Variants in KSR2 observed in about 807,000 individuals in gnomAD.
The protein encoded by KSR2 is kinase suppressor of ras 2.
In KSR2, 25 loss-of-function variants were observed where a neutral mutation model predicts 107.8. That is an observed-to-expected ratio of 0.23 (90% CI 0.17 to 0.32). KSR2 has a LOEUF of 0.32. KSR2 is among the 10% of genes least tolerant of loss of function. The pLI, the probability that KSR2 is intolerant of heterozygous loss-of-function variation, is 1.00. For synonymous variants in KSR2, 480 were observed against 507.0 expected (o/e 0.95, Z 0.71); for missense variants, 887 against 1,268.9 (o/e 0.70, Z 4.57).
chr12:117,888,113 A>G (rs1468224220), intron 1 of KSR2, among the ~76,000 whole-genome samples: 5 of 152,170 alleles, frequency 3.3e-5, no homozygotes, highest in Admixed American at 1.3e-4. Flanking sequence ...CCAGCCCCAA[A>G]ACCCTTTTGA....
intron 4 of KSR2, among the ~76,000 whole-genome samples, chr12:117,731,492 A>G (rs1273641126): frequency 1.3e-5 from 2 of 151,440 alleles, no homozygotes; most frequent in Non-Finnish European, 2.9e-5. Flanking sequence ...CCATCTGGGA[A>G]GTGAGGAGGC....
At chr12:117,649,427 A>T (rs1593091307) in intron 5 of KSR2, among the ~76,000 whole-genome samples, 1 of 152,242 alleles carries the variant, frequency 6.6e-6, no homozygotes, top group Non-Finnish European at 1.5e-5. Flanking sequence ...ATTAAAGCTG[A>T]CCTAAATCCA....
intron 3 of KSR2, among the ~76,000 whole-genome samples, chr12:117,778,617 T>C (rs1003852469): frequency 1.3e-5 from 2 of 152,306 alleles, no homozygotes; most frequent in East Asian, 3.9e-4. Context: ...CTCTTCTGGC[T>C]CTGCATCCTC....
intron 5 of KSR2, among the ~76,000 whole-genome samples, chr12:117,589,714 G>T (rs999261720): frequency 6.6e-6 from 1 of 152,192 alleles, no homozygotes; most frequent in Non-Finnish European, 1.5e-5. Context: ...CATTCACATA[G>T]CAGAGGATAA....
intron 4 of KSR2, 48 bp downstream of exon 4, chr12:117,760,963 C>G (rs1236840065): frequency 6.2e-7 from 1 of 1,608,486 alleles, no homozygotes; most frequent in Non-Finnish European, 8.5e-7. Flanking sequence ...GGCAGCCCCT[C>G]GCAGGCCGGG....
intron 14 of KSR2, among the ~76,000 whole-genome samples, chr12:117,496,574 C>T (rs1052156481): frequency 1.3e-5 from 2 of 152,146 alleles, no homozygotes; most frequent in Non-Finnish European, 2.9e-5. Flanking sequence ...ATGTACTGCC[C>T]TTGGGGGAAA....
At chr12:117,902,965 A>G (rs10850931) in intron 1 of KSR2, among the ~76,000 whole-genome samples, 20,392 of 152,154 alleles carry the variant, frequency 0.13, 1,625 homozygotes, top group East Asian at 0.35. Context: ...TCTGAAACAT[A>G]GAGGATAACT....
chr12:117,601,665 C>T (rs1460513224), intron 5 of KSR2, among the ~76,000 whole-genome samples: 3 of 152,266 alleles, frequency 2.0e-5, no homozygotes, highest in Admixed American at 6.5e-5. Context: ...GAGAGCATGG[C>T]CCTGCCTACA....
intron 1 of KSR2, among the ~76,000 whole-genome samples, chr12:117,906,582 G>A (rs948758195): frequency 2.6e-4 from 39 of 152,038 alleles, no homozygotes; most frequent in Non-Finnish European, 5.3e-4. Context: ...CCCCAGCCTG[G>A]GCTACAAGAG....
intron 1 of KSR2, among the ~76,000 whole-genome samples, chr12:117,940,783 C>T (rs894983289): frequency 3.3e-5 from 5 of 152,090 alleles, no homozygotes; most frequent in Non-Finnish European, 7.4e-5. Flanking sequence ...AAAAATTTCA[C>T]ACTTAAGATT....
In KSR2 at chr12:117,740,508, T is replaced by C. The variant is rs1204448022; in HGVS notation, c.986+20503A>G. Among the ~76,000 whole-genome samples, 3 of 125,356 alleles carry C rather than the reference T, an allele frequency of 2.4e-5. No individual in the cohort carries two copies. The Admixed American group carries it at 2.8e-4, about 12-fold the overall frequency. 82.2% of individuals were successfully genotyped at this position (125,356 alleles called of 152,430 possible). A position where few individuals can be genotyped will look rare whatever the true frequency, so the allele number is the denominator to read the frequency against. Reference sequence around the variant, plus strand: ...ATAATATATATGTTATATATTACATTTATATAATATATAGTACATATATTA... The same window carrying C: ...ATAATATATATGTTATATATTACATCTATATAATATATAGTACATATATTA... On this transcript the variant is annotated intron_variant, in intron 4 of 19. Transcript: ENST00000339824.
At chr12:117,506,843 ATGTGTG>A (rs574197582) in intron 14 of KSR2, among the ~76,000 whole-genome samples, 7 of 151,586 alleles carry the variant, frequency 4.6e-5, no homozygotes, top group South Asian at 2.1e-4. Flanking sequence ...TTATATATGT[ATGTGTG>A]TGTGTGTGTA....
intron 4 of KSR2, among the ~76,000 whole-genome samples, chr12:117,728,843 G>A (rs1483331656): frequency 1.3e-5 from 2 of 152,208 alleles, no homozygotes; most frequent in Non-Finnish European, 2.9e-5. Context: ...CAAATGTGAC[G>A]AAGGGTTGAA....
At chr12:117,873,578 A>G (rs1399606989) in intron 1 of KSR2, among the ~76,000 whole-genome samples, 1 of 148,886 alleles carries the variant, frequency 6.7e-6, no homozygotes, top group Admixed American at 6.8e-5. Context: ...CTCGTGCCTC[A>G]GCCTCCCCGG....
intron 1 of KSR2, among the ~76,000 whole-genome samples, chr12:117,917,647 G>A (rs1219921246): frequency 6.6e-6 from 1 of 152,188 alleles, no homozygotes; most frequent in African/African-American, 2.4e-5. Context: ...GTGTTGCCAT[G>A]TTGCCCAGGC....
intron 4 of KSR2, among the ~76,000 whole-genome samples, chr12:117,744,644 A>C (rs377290974): frequency 8.9e-4 from 135 of 152,346 alleles, no homozygotes; most frequent in African/African-American, 3.2e-3. Context: ...GCTGCCCTGC[A>C]TGGAAGCACT....
chr12:117,859,788 C>A (rs1893227372), intron 2 of KSR2, among the ~76,000 whole-genome samples: 1 of 152,202 alleles, frequency 6.6e-6, no homozygotes, highest in Admixed American at 6.5e-5. Flanking sequence ...TCATCTCATT[C>A]TATGATGTCG....
chr12:117,591,868 G>T (rs113307543), intron 5 of KSR2, among the ~76,000 whole-genome samples: 7,563 of 152,014 alleles, frequency 0.05, 272 homozygotes, highest in Middle Eastern at 0.13. Flanking sequence ...AGTTAGGAGG[G>T]TGTGGTGGCT....
At chr12:117,597,998 T>A (rs1183556203) in intron 5 of KSR2, among the ~76,000 whole-genome samples, 3 of 151,834 alleles carry the variant, frequency 2.0e-5, no homozygotes, top group Non-Finnish European at 4.4e-5. Context: ...TCTCTTTTTT[T>A]ATTTCAATAT....
Sources: allele counts gnomAD v4.1 joint callset (sites outside exome capture counted in the v4.1 genomes callset), GRCh38; gene constraint gnomAD v4.1.1; transcripts MANE v1.5; gene names NCBI Gene and HGNC (gene_info 2026-07-23, HGNC 2026-07-21).